CAMTA1: variants seen among roughly 807,000 people sequenced by gnomAD.
CAMTA1 encodes calmodulin-binding transcription activator 1.
CAMTA1 carries 27 observed loss-of-function variants against 170.9 expected under a neutral mutation model. That is an observed-to-expected ratio of 0.16 (90% CI 0.12 to 0.22). CAMTA1 has a LOEUF of 0.22. CAMTA1 is among the 10% of genes least tolerant of loss of function. CAMTA1 has a pLI of 1.00. For synonymous variants in CAMTA1, 833 were observed against 891.5 expected (o/e 0.93, Z 1.17); for missense variants, 1,619 against 2,217.2 (o/e 0.73, Z 5.42).
chr1:7,615,110 T>C (rs1275180100), intron 6 of CAMTA1, among the ~76,000 whole-genome samples: 1 of 152,258 alleles, frequency 6.6e-6, no homozygotes, highest in Non-Finnish European at 1.5e-5. Flanking sequence ...GATTGGAATG[T>C]TGCACGAATG....
chr1:7,331,125 A>C (rs2083004010), intron 5 of CAMTA1, among the ~76,000 whole-genome samples: 1 of 152,228 alleles, frequency 6.6e-6, no homozygotes, highest in Admixed American at 6.5e-5. Flanking sequence ...CTGTAATCCC[A>C]GCTACTCGGA....
rs1356715334 is a variant in CAMTA1 at position 7,304,419 on chromosome 1, G to A, written c.438+54793G>A. ...CACATATGTCATTTTACACTTATGTGACTATGTAAAATAAATTATAGAAGA... is the reference window on the plus strand; with the variant it reads ...CACATATGTCATTTTACACTTATGTAACTATGTAAAATAAATTATAGAAGA... On this transcript the variant is annotated intron_variant, in intron 5 of 22. Coordinates refer to ENST00000303635, the MANE Select transcript of CAMTA1 (RefSeq NM_015215.4). Among the ~76,000 whole-genome samples the A allele has an allele frequency of 2.0e-5, 3 of 152,234 alleles. No individual in the cohort carries two copies. The South Asian group carries it at 6.2e-4, about 32-fold the overall frequency.
At position 7,738,770 on chromosome 1, in the gene CAMTA1, G is replaced by A. The variant is rs1342298911; in HGVS notation, c.4182+288G>A. Among the ~76,000 whole-genome samples, 1 of 152,132 alleles carries A rather than the reference G, an allele frequency of 6.6e-6. No homozygotes were observed. Among genetic ancestry groups the A allele is most frequent in the African/African-American group, 2.4e-5 (1 of 41,398 alleles). On this transcript the variant is annotated intron_variant, in intron 16 of 22. Transcript: ENST00000303635. The surrounding 1 kb of genome is among the most constrained non-coding windows in gnomAD (Gnocchi z 4.9). The stretch of plus-strand genomic sequence containing the variant: ...CTGAGGACCCTACAGTACGTCATCT[G>A]CTTCCTCCTTGCATTTAGGTTGATT...
chr1:7,668,820 G>T (rs774644719), intron 9 of CAMTA1, among the ~76,000 whole-genome samples: 2 of 152,190 alleles, frequency 1.3e-5, no homozygotes, highest in Non-Finnish European at 2.9e-5. Flanking sequence ...GTTGATTGCG[G>T]TTATTATTTT....
At chr1:7,690,865 C>T (rs2096302759) in intron 11 of CAMTA1, among the ~76,000 whole-genome samples, 1 of 152,258 alleles carries the variant, frequency 6.6e-6, no homozygotes, top group Non-Finnish European at 1.5e-5. Context: ...TCTGGAGCCT[C>T]TTCCTGTTGC....
chr1:7,563,405 G>T (rs1369614401), intron 6 of CAMTA1, among the ~76,000 whole-genome samples: 1 of 152,224 alleles, frequency 6.6e-6, no homozygotes. Flanking sequence ...AGCACAGCAG[G>T]ACCTGGGAGG....
At chr1:7,602,941 C>A (rs2095458409) in intron 6 of CAMTA1, among the ~76,000 whole-genome samples, 1 of 152,204 alleles carries the variant, frequency 6.6e-6, no homozygotes, top group Non-Finnish European at 1.5e-5. Context: ...GCAGGTTGTT[C>A]AGTTTCCATG....
chr1:6,845,998 G>A (rs1657956079), intron 3 of CAMTA1, among the ~76,000 whole-genome samples: 1 of 152,176 alleles, frequency 6.6e-6, no homozygotes, highest in East Asian at 1.9e-4. Context: ...GAGAGAATGT[G>A]CAGGGGAACT....
intron 5 of CAMTA1, chr1:7,369,190 A>C (rs1449472090): frequency 6.6e-6 from 1 of 152,182 alleles, no homozygotes; most frequent in East Asian, 1.9e-4. Flanking sequence ...GTTGGTTGGA[A>C]ATTAGGACAA....
At position 7,128,546 on chromosome 1, in the gene CAMTA1, A is replaced by C. The variant is rs1645062087; in HGVS notation, c.302+37175A>C. On this transcript the variant is annotated intron_variant, in intron 4 of 22. Transcript: ENST00000303635. ...CTGTTGGTTTGGAGGATTCGGTGTG[A>C]GATGGGCTAAGAAAAGTCAGATCAT... Among the ~76,000 whole-genome samples, 2 of 152,234 alleles carry C rather than the reference A, an allele frequency of 1.3e-5. 1 individual carries two copies. Among genetic ancestry groups the C allele is most frequent in the South Asian group, 4.1e-4 (2 of 4,834 alleles).
At chr1:7,647,160 A>T (rs1443256432) in intron 7 of CAMTA1, among the ~76,000 whole-genome samples, 1 of 151,904 alleles carries the variant, frequency 6.6e-6, no homozygotes, top group Non-Finnish European at 1.5e-5. Flanking sequence ...CCAGACCCCC[A>T]GCCTCCCTCC....
intron 3 of CAMTA1, among the ~76,000 whole-genome samples, chr1:7,052,982 A>G (rs2101629590): frequency 6.6e-6 from 1 of 152,278 alleles, no homozygotes; most frequent in East Asian, 1.9e-4. Flanking sequence ...AGTCAGAACA[A>G]CACTGACACT....
chr1:7,233,342 C>T (rs546336832), intron 4 of CAMTA1, among the ~76,000 whole-genome samples: 1 of 152,268 alleles, frequency 6.6e-6, no homozygotes, highest in Non-Finnish European at 1.5e-5. Context: ...GGCATTGGAG[C>T]AGGGCTCCCA....
At chr1:7,355,052 A>G (rs113494103) in intron 5 of CAMTA1, among the ~76,000 whole-genome samples, 2,057 of 152,158 alleles carry the variant, frequency 0.014, 44 homozygotes, top group African/African-American at 0.047. Flanking sequence ...CTAAAAATAC[A>G]AAAATTATCC....
intron 5 of CAMTA1, among the ~76,000 whole-genome samples, chr1:7,361,084 G>A (rs1222411495): frequency 1.3e-5 from 2 of 152,172 alleles, no homozygotes. Flanking sequence ...AGCTCAGTTT[G>A]GCTCTTCCGT....
intron 6 of CAMTA1, among the ~76,000 whole-genome samples, chr1:7,501,283 T>C (rs927738876): frequency 8.6e-5 from 13 of 151,994 alleles, no homozygotes; most frequent in African/African-American, 2.7e-4. Flanking sequence ...ATTGCTGAGA[T>C]GAATGGGAAG....
In CAMTA1 at chr1:7,288,801, G is replaced by A. The variant is rs79415362; in HGVS notation, c.438+39175G>A. Among the ~76,000 whole-genome samples the A allele has an allele frequency of 5.3e-3, 806 of 152,310 alleles. 5 individuals carry two copies. The highest frequency in any genetic ancestry group is 0.018 in the African/African-American group (757 of 41,562). ...AGAGGTGGCTGCAGCCAGCACAGGC[G>A]GCTCTCGTGAAGCATTTGGTATTAG... On this transcript the variant is annotated intron_variant, in intron 5 of 22. Transcript: ENST00000303635.
At chr1:7,208,714 G>C (rs1309313469) in intron 4 of CAMTA1, among the ~76,000 whole-genome samples, 1 of 152,200 alleles carries the variant, frequency 6.6e-6, no homozygotes, top group Admixed American at 6.5e-5. Flanking sequence ...GAGTGGGAAG[G>C]CTTTAGACAG....
At chr1:7,407,352 T>C (rs769538136) in intron 5 of CAMTA1, among the ~76,000 whole-genome samples, 2 of 152,042 alleles carry the variant, frequency 1.3e-5, no homozygotes, top group Non-Finnish European at 2.9e-5. Flanking sequence ...CAGGCTGTCT[T>C]GGGGGACCAC....
Sources: gnomAD v4.1 joint callset for allele counts (sites outside exome capture counted in the v4.1 genomes callset) on GRCh38, gnomAD v4.1.1 for gene constraint, Gnocchi (gnomAD v3.1) non-coding constraint, MANE v1.5 for transcripts, NCBI Gene and HGNC (gene_info 2026-07-23, HGNC 2026-07-21) for gene names.